The following ATXN7 variants were observed in gnomAD, a reference collection of about 807,000 sequenced individuals.
The protein encoded by ATXN7 is ataxin-7.
A neutral mutation model predicts 70.5 loss-of-function variants in ATXN7; 12 were observed. The observed-to-expected ratio is 0.17, with a 90% CI of 0.11 to 0.28. The LOEUF (loss-of-function observed/expected upper bound fraction) is 0.28, where lower values mean the gene tolerates loss of function less well. Ranked by LOEUF, ATXN7 falls within the 10% of genes least tolerant of loss-of-function variation. The pLI is 1.00. For missense variants in ATXN7, 1,256 were observed against 1,131.7 expected (o/e 1.11, Z -1.58); for synonymous variants, 498 against 448.7 (o/e 1.11, Z -1.39).
intron 5 of ATXN7, among the ~76,000 whole-genome samples, chr3:63,967,263 T>A (rs943705366): frequency 6.6e-6 from 1 of 152,188 alleles, no homozygotes; most frequent in Non-Finnish European, 1.5e-5. Context: ...CCTCTAGTGA[T>A]TGAACAACAA....
At chr3:63,988,490 A>G in intron 9 of ATXN7, 166 bp downstream of exon 9, 3 of 966,248 alleles carry the variant, frequency 3.1e-6, no homozygotes, top group Non-Finnish European at 4.5e-6. Context: ...GGTTGAGTTC[A>G]GTAAGTTTCA....
At chr3:63,877,303 T>G (rs184977688) in intron 1 of ATXN7, among the ~76,000 whole-genome samples, 2 of 152,340 alleles carry the variant, frequency 1.3e-5, no homozygotes. Flanking sequence ...GAAATAAAAG[T>G]TACTCATACT....
chr3:63,901,343 T>G (rs1261713359), intron 2 of ATXN7: 1 of 152,216 alleles, frequency 6.6e-6, no homozygotes, highest in African/African-American at 2.4e-5. Flanking sequence ...AAGCATGTTT[T>G]GCAGCTGAGT....
At chr3:63,963,423 A>G (rs1201666368) in intron 5 of ATXN7, among the ~76,000 whole-genome samples, 2 of 152,164 alleles carry the variant, frequency 1.3e-5, no homozygotes, top group Non-Finnish European at 2.9e-5. Flanking sequence ...GGCTCTTTCA[A>G]CTTACCTGCC....
At chr3:63,879,756 C>G (rs1702852397) in intron 1 of ATXN7, among the ~76,000 whole-genome samples, 1 of 151,878 alleles carries the variant, frequency 6.6e-6, no homozygotes, top group Admixed American at 6.6e-5. Context: ...AGTGAATTAG[C>G]AAAAAGATTC....
intron 12 of ATXN7, chr3:63,998,160 A>C (rs896268881): frequency 1.1e-6 from 1 of 942,470 alleles, no homozygotes; most frequent in Non-Finnish European, 1.2e-6. Context: ...TTTAGACAGG[A>C]GTGTAGATCT....
chr3:63,903,176 C>T (rs930626371), intron 2 of ATXN7, among the ~76,000 whole-genome samples: 3 of 151,840 alleles, frequency 2.0e-5, no homozygotes, highest in Non-Finnish European at 4.4e-5. Context: ...GGGAGGATCA[C>T]GAGGTCAGGA....
Position 63,995,512 on chromosome 3 carries a change from C to T in ATXN7, c.1690C>T (p.Pro564Ser). The change falls in exon 12 of 13, where the codon CCA becomes TCA. Residue 564 changes from proline to serine, a missense_variant. Transcript: ENST00000674280. ...HLNAQLWKKI[P>S]PVPSTTSPIS... ...TCCTCTAATTTTTTTCAGGAAAATC[C>T]CACCAGTGCCCAGTACCACCTCACC... is the stretch of plus-strand genomic sequence containing the variant. The T allele has an allele frequency of 1.1e-5, 18 of 1,613,746 alleles. No individual in the cohort carries two copies. Among genetic ancestry groups the T allele is most frequent in the Non-Finnish European group, 1.4e-5 (17 of 1,179,760 alleles).
At position 63,912,746 on chromosome 3, in the gene ATXN7, C is replaced by A; in HGVS notation, c.148C>A (p.His50Asn). 1 of 1,301,192 alleles carries A rather than the reference C, an allele frequency of 7.7e-7. No homozygotes were observed. Among genetic ancestry groups the A allele is most frequent in the South Asian group, 2.5e-5 (1 of 40,474 alleles). 80.6% of individuals were successfully genotyped at this position (1,301,192 alleles called of 1,614,324 possible). ...PPPPQPQRQQ[H>N]PPPPPRRTRP... is the part of the protein sequence containing the mutation. ...GCCTCCGCAGCCCCAGCGGCAGCAG[C>A]ACCCGCCACCGCCGCCACGGCGCAC... Residue 50 changes from histidine to asparagine, a missense_variant, in exon 3 of 13, where the codon CAC becomes AAC. Transcript: ENST00000674280.
chr3:63,996,577 G>T, intron 12 of ATXN7, 94 bp downstream of exon 12: 3 of 1,205,520 alleles, frequency 2.5e-6, no homozygotes. Context: ...GGGTTGGTTG[G>T]TTGGTTTGTA....
chr3:63,875,706 A>G (rs981776219), intron 1 of ATXN7, among the ~76,000 whole-genome samples: 3 of 152,088 alleles, frequency 2.0e-5, no homozygotes, highest in African/African-American at 7.2e-5. Flanking sequence ...CTTCTTTTAT[A>G]TGGTCCTGGC....
rs2075611521 is a variant in ATXN7 at position 63,988,296 on chromosome 3, C to T, written c.1333C>T (p.Pro445Ser). ...ATCAAAGCCTTTTGTAGCTAGTAAA[C>T]CTAAACCTCACACCCCCAGTCTTCC... ...SESKPFVASKPKPHTPSLPRP... is the reference protein window; with the variant it reads ...SESKPFVASKSKPHTPSLPRP... The change falls in exon 9 of 13, where the codon CCT (proline) becomes TCT (serine). Residue 445 changes from proline to serine, a missense_variant. Coordinates refer to ENST00000674280, the MANE Select transcript of ATXN7 (RefSeq NM_001377405.1). 5 of 1,614,068 alleles carry T rather than the reference C, an allele frequency of 3.1e-6. No individual in the cohort carries two copies. Among genetic ancestry groups the T allele is most frequent in the Non-Finnish European group, 4.2e-6 (5 of 1,180,022 alleles).
chr3:63,868,024 T>C (rs1377213877), intron 1 of ATXN7, among the ~76,000 whole-genome samples: 2 of 152,218 alleles, frequency 1.3e-5, no homozygotes, highest in African/African-American at 2.4e-5. Context: ...TAGTCCTGCA[T>C]GTACTGTGGC....
chr3:63,980,421 T>C (rs893978752), intron 6 of ATXN7: 2 of 527,530 alleles, frequency 3.8e-6, no homozygotes, highest in Non-Finnish European at 6.8e-6. Context: ...AACCTAACTC[T>C]ATGTGTGTAC....
chr3:63,948,054 T>C (rs1297357788), intron 4 of ATXN7, among the ~76,000 whole-genome samples: 1 of 151,870 alleles, frequency 6.6e-6, no homozygotes, highest in Admixed American at 6.6e-5. Context: ...TGTGATCTGG[T>C]GGGGAATTTT....
intron 1 of ATXN7, among the ~76,000 whole-genome samples, chr3:63,881,768 G>A (rs542064679): frequency 6.6e-6 from 1 of 152,290 alleles, no homozygotes; most frequent in South Asian, 2.1e-4. Context: ...GATTACAGGC[G>A]TGAGCCACTG....
intron 4 of ATXN7, among the ~76,000 whole-genome samples, chr3:63,941,080 C>G (rs1269846360): frequency 6.6e-6 from 1 of 152,162 alleles, no homozygotes; most frequent in East Asian, 1.9e-4. Flanking sequence ...TATTCTATCC[C>G]CAGCATTTTA....
At chr3:63,964,826 T>C (rs1187111935) in intron 5 of ATXN7, among the ~76,000 whole-genome samples, 1 of 152,156 alleles carries the variant, frequency 6.6e-6, no homozygotes, top group Admixed American at 6.5e-5. Flanking sequence ...AGTTTGAAAA[T>C]ACTTTTTTCC....
intron 11 of ATXN7, 128 bp downstream of exon 11, chr3:63,990,987 A>G (rs763112292): frequency 5.1e-6 from 7 of 1,385,892 alleles, no homozygotes; most frequent in Admixed American, 2.0e-5. Context: ...CCCTGAGAAG[A>G]AGGTGCCTTG....
Sources: gnomAD v4.1 joint callset for allele counts (sites outside exome capture counted in the v4.1 genomes callset) on GRCh38, gnomAD v4.1.1 for gene constraint, MANE v1.5 for transcripts, NCBI Gene and HGNC (gene_info 2026-07-23, HGNC 2026-07-21) for gene names.